Variants in AGO2 observed in about 807,000 individuals in gnomAD.
The protein encoded by AGO2 is argonaute RISC catalytic component 2, also known as protein argonaute-2.
AGO2 carries 5 observed loss-of-function variants against 102.3 expected under a neutral mutation model. That is an observed-to-expected ratio of 0.05 (90% CI 0.03 to 0.10). The LOEUF is 0.10. AGO2 is among the 10% of genes least tolerant of loss of function. The pLI is 1.00. For synonymous variants in AGO2, 449 were observed against 473.1 expected (o/e 0.95, Z 0.66); for missense variants, 541 against 1,183.7 (o/e 0.46, Z 7.97).
chr8:140,547,195 C>T (rs958352226), intron 13 of AGO2, among the ~76,000 whole-genome samples: 9 of 152,220 alleles, frequency 5.9e-5, no homozygotes, highest in Admixed American at 3.9e-4. Flanking sequence ...CCAAGGCATG[C>T]CCTGCTCTGC....
At chr8:140,615,870 C>T (rs1028783698) in intron 1 of AGO2, among the ~76,000 whole-genome samples, 4 of 152,228 alleles carry the variant, frequency 2.6e-5, no homozygotes, top group Admixed American at 1.3e-4. Flanking sequence ...CAAACTTTGA[C>T]AATATCCAAG....
intron 5 of AGO2, among the ~76,000 whole-genome samples, chr8:140,559,740 G>C (rs1425958949): frequency 6.6e-6 from 1 of 152,214 alleles, no homozygotes; most frequent in African/African-American, 2.4e-5. Context: ...CCTCTGGTCA[G>C]GGTGACAGAA....
rs181006154 is a variant in AGO2, at chr8:140,574,299, G to A, written c.216-1367C>T. On this transcript the variant is annotated intron_variant, in intron 2 of 18. Coordinates refer to ENST00000220592, the MANE Select transcript of AGO2 (RefSeq NM_012154.5). ...TTTATTTTATTAGAGACAGAGTCTC[G>A]CTCTATCACTGGAGTACACTGGCAT... is the stretch of plus-strand genomic sequence containing the variant. Among the ~76,000 whole-genome samples the A allele has an allele frequency of 5.3e-5, 8 of 152,122 alleles. No homozygotes were observed. In the East Asian group the frequency reaches 1.2e-3, roughly 22 times the overall value.
intron 15 of AGO2, 111 bp downstream of exon 15, chr8:140,541,053 G>A (rs2132878176): frequency 7.8e-7 from 1 of 1,276,806 alleles, no homozygotes; most frequent in Non-Finnish European, 1.1e-6. Context: ...CAGCCTTGGG[G>A]CCGAATGAGA....
At chr8:140,614,620 T>C (rs4961277) in intron 1 of AGO2, among the ~76,000 whole-genome samples, 56,954 of 152,048 alleles carry the variant, frequency 0.37, 11,350 homozygotes, top group African/African-American at 0.49. Flanking sequence ...AAGGCGTCCT[T>C]CCGGGCCTGG....
intron 1 of AGO2, among the ~76,000 whole-genome samples, chr8:140,612,974 C>T (rs2074099815): frequency 6.6e-6 from 1 of 151,694 alleles, no homozygotes; most frequent in South Asian, 2.1e-4. Flanking sequence ...CCGAGGTGGG[C>T]AGATCACGAG....
chr8:140,564,479 C>T (rs879700445), intron 3 of AGO2, among the ~76,000 whole-genome samples: 5 of 152,230 alleles, frequency 3.3e-5, no homozygotes, highest in Non-Finnish European at 5.9e-5. Flanking sequence ...GGATTTCCTT[C>T]AGCCTCTGTT....
At chr8:140,621,897 AAC>A (rs1326628644) in intron 1 of AGO2, among the ~76,000 whole-genome samples, 2 of 152,172 alleles carry the variant, frequency 1.3e-5, no homozygotes, top group Admixed American at 6.5e-5. Context: ...CAAAAAGTTA[AAC>A]ACAGAGTGAC....
At chr8:140,564,430 C>T (rs996136962) in intron 3 of AGO2, among the ~76,000 whole-genome samples, 1 of 152,180 alleles carries the variant, frequency 6.6e-6, no homozygotes, top group Non-Finnish European at 1.5e-5. Context: ...CTGGCCCTTG[C>T]ACAACATGGG....
At chr8:140,585,000 T>C (rs1447896650) in intron 2 of AGO2, 119 bp downstream of exon 2, 4 of 985,164 alleles carry the variant, frequency 4.1e-6, no homozygotes, top group Non-Finnish European at 5.7e-6. Context: ...CAAATGCAGC[T>C]GAAACGTTCT....
At position 140,540,949 on chromosome 8, in the gene AGO2, C is replaced by G. The variant is rs1025890709; in HGVS notation, c.2034+215G>C. Among the ~76,000 whole-genome samples the G allele has an allele frequency of 1.3e-5, 2 of 152,196 alleles. No homozygotes were observed. The highest frequency in any genetic ancestry group is 4.8e-5 in the African/African-American group (2 of 41,452). On this transcript the variant is annotated intron_variant, in intron 15 of 18. Coordinates refer to ENST00000220592, the MANE Select transcript of AGO2 (RefSeq NM_012154.5). This position sits in a 1 kb window ranked among gnomAD's most constrained non-coding sequence, Gnocchi z 5.0. ...CAGGCCCATACCCGCCCCTCCTCCC[C>G]TCCCTCTGTCCTGCCTCAGTGTCAT...
intron 1 of AGO2, among the ~76,000 whole-genome samples, chr8:140,604,840 G>C (rs6997601): frequency 2.5e-4 from 37 of 150,898 alleles, no homozygotes; most frequent in African/African-American, 1.9e-4. Flanking sequence ...AAAAAAAAAG[G>C]CATTTTCAAG....
intron 1 of AGO2, among the ~76,000 whole-genome samples, chr8:140,634,541 G>A (rs1472782268): frequency 6.6e-6 from 1 of 152,248 alleles, no homozygotes; most frequent in Non-Finnish European, 1.5e-5. Flanking sequence ...AAAAGCAGGA[G>A]AACACCTGAC....
intron 14 of AGO2, among the ~76,000 whole-genome samples, chr8:140,542,264 A>C (rs1298513556): frequency 6.6e-6 from 1 of 152,158 alleles, no homozygotes; most frequent in Non-Finnish European, 1.5e-5. Flanking sequence ...AATTTTGAAA[A>C]AACACTGATG....
At chr8:140,573,212 C>G (rs955164450) in intron 2 of AGO2, among the ~76,000 whole-genome samples, 32 of 151,910 alleles carry the variant, frequency 2.1e-4, no homozygotes, top group African/African-American at 7.0e-4. Flanking sequence ...TCTTGTTGCC[C>G]GGGCTGGAGT....
intron 1 of AGO2, among the ~76,000 whole-genome samples, chr8:140,597,712 A>T (rs1187864211): frequency 3.3e-5 from 5 of 152,018 alleles, no homozygotes; most frequent in Admixed American, 6.5e-5. Context: ...AAAAAAAGAC[A>T]TCAAAAATGA....
intron 3 of AGO2, among the ~76,000 whole-genome samples, chr8:140,569,354 G>A (rs920755068): frequency 1.3e-5 from 2 of 152,330 alleles, no homozygotes; most frequent in African/African-American, 2.4e-5. Context: ...CTCCTAGACC[G>A]TGTCAACCCA....
chr8:140,562,887 G>A (rs2073225610), intron 3 of AGO2, among the ~76,000 whole-genome samples: 1 of 152,206 alleles, frequency 6.6e-6, no homozygotes, highest in South Asian at 2.1e-4. Flanking sequence ...TGTACTCACA[G>A]TGGTCGAAAA....
intron 3 of AGO2, among the ~76,000 whole-genome samples, chr8:140,570,553 C>T (rs1346407420): frequency 6.6e-6 from 1 of 152,168 alleles, no homozygotes; most frequent in Admixed American, 6.5e-5. Context: ...TTTAAACTCT[C>T]GCTACTCAAC....
Sources: gnomAD v4.1 joint callset for allele counts (sites outside exome capture counted in the v4.1 genomes callset) on GRCh38, gnomAD v4.1.1 for gene constraint, Gnocchi (gnomAD v3.1) non-coding constraint, MANE v1.5 for transcripts, NCBI Gene and HGNC (gene_info 2026-07-23, HGNC 2026-07-21) for gene names.